Variants in PACRG observed in about 807,000 individuals in gnomAD.
PACRG encodes parkin coregulated.
In PACRG, 29 loss-of-function variants were observed where a neutral mutation model predicts 29.7. The observed-to-expected ratio is 0.98, with a 90% CI of 0.73 to 1.33. The LOEUF (loss-of-function observed/expected upper bound fraction) is 1.33, where lower values mean the gene tolerates loss of function less well. Ranked by LOEUF, PACRG falls within the 40% of genes most tolerant of loss-of-function variation. The probability of loss-of-function intolerance (pLI) is 0.00; values close to 1 mark genes in which losing one functional copy is unlikely to be tolerated. For missense variants in PACRG, 279 were observed against 316.2 expected, an observed-to-expected ratio of 0.88 and a Z score of 0.89; for synonymous variants, 116 against 118.7, an observed-to-expected ratio of 0.98 and a Z score of 0.15.
chr6:163,023,530 G>A (rs1806839501), intron 2 of PACRG, among the ~76,000 whole-genome samples: 1 of 152,202 alleles, frequency 6.6e-6, no homozygotes, highest in South Asian at 2.1e-4. Flanking sequence ...GTGCAGTGAT[G>A]AGTATGCAAG....
chr6:163,093,792 T>C (rs900486280), intron 4 of PACRG, among the ~76,000 whole-genome samples: 1 of 152,244 alleles, frequency 6.6e-6, no homozygotes, highest in Non-Finnish European at 1.5e-5. Flanking sequence ...TGCTTGGCTT[T>C]ATCTAAGATG....
chr6:162,899,028 T>C (rs1795363298), intron 2 of PACRG, among the ~76,000 whole-genome samples: 1 of 152,192 alleles, frequency 6.6e-6, no homozygotes, highest in South Asian at 2.1e-4. Flanking sequence ...TAAATATAAA[T>C]ACCTGTTTAA....
intron 2 of PACRG, among the ~76,000 whole-genome samples, chr6:163,023,754 TTAA>T (rs1806859072): frequency 6.6e-6 from 1 of 152,220 alleles, no homozygotes; most frequent in South Asian, 2.1e-4. Flanking sequence ...TTTTGACTTT[TTAA>T]TAATTGTCAT....
intron 2 of PACRG, among the ~76,000 whole-genome samples, chr6:162,994,744 C>G (rs1803803260): frequency 6.7e-6 from 1 of 149,678 alleles, no homozygotes; most frequent in Non-Finnish European, 1.5e-5. Flanking sequence ...CTCAGCTCGT[C>G]AAAGTCATTC....
At chr6:163,106,575 G>A (rs1673035663) in intron 4 of PACRG, among the ~76,000 whole-genome samples, 1 of 152,112 alleles carries the variant, frequency 6.6e-6, no homozygotes, top group Admixed American at 6.5e-5. Context: ...TTATAACAGA[G>A]TTTAATAAAT....
chr6:163,220,555 GT>G (rs1781544820), intron 4 of PACRG, among the ~76,000 whole-genome samples: 1 of 152,214 alleles, frequency 6.6e-6, no homozygotes, highest in Non-Finnish European at 1.5e-5. Flanking sequence ...ATGCCATAGA[GT>G]TTCCATAATA....
At chr6:163,040,581 C>T (rs1462614855) in intron 2 of PACRG, among the ~76,000 whole-genome samples, 2 of 152,244 alleles carry the variant, frequency 1.3e-5, no homozygotes, top group African/African-American at 2.4e-5. Context: ...CCTGCAGAGT[C>T]ACAGGGGTGG....
intron 2 of PACRG, among the ~76,000 whole-genome samples, chr6:163,058,848 C>T (rs781766614): frequency 3.9e-5 from 6 of 152,102 alleles, no homozygotes; most frequent in African/African-American, 4.8e-5. Flanking sequence ...TGCAGTGAGC[C>T]GAGCTCGCAC....
intron 2 of PACRG, among the ~76,000 whole-genome samples, chr6:162,886,087 A>G (rs9356074): frequency 0.21 from 31,477 of 151,964 alleles, 4,605 homozygotes; most frequent in African/African-American, 0.4. Context: ...ATCATGCCCA[A>G]CTAATTTTTG....
At chr6:163,017,074 T>G (rs868443776) in intron 2 of PACRG, among the ~76,000 whole-genome samples, 2 of 152,170 alleles carry the variant, frequency 1.3e-5, no homozygotes, top group Admixed American at 6.5e-5. Context: ...GTTCTTTCTT[T>G]GAATGGCTAC....
At chr6:163,131,318 A>C (rs1816731235) in intron 4 of PACRG, among the ~76,000 whole-genome samples, 1 of 21,220 alleles carries the variant, frequency 4.7e-5, no homozygotes, top group African/African-American at 9.9e-5. Flanking sequence ...TCTCAAACAA[A>C]AAAAAAAAAA....
In PACRG at chr6:163,095,389, T is replaced by C. The variant is rs144083879; in HGVS notation, c.613+5981T>C. The C allele has an allele frequency of 5.0e-4, 488 of 985,482 alleles. 1 individual carries two copies. The African/African-American group carries it at 7.8e-3, about 16-fold the overall frequency. The allele number at this position is 985,482 out of a possible 1,614,324, so 61.0% of individuals were successfully genotyped here. ...GGATTATTCTGAGTTGTCTGTAACC[T>C]GGTAGGGCGATGTCTAAAGAAATCA... On this transcript the variant is annotated intron_variant, in intron 4 of 4. Coordinates refer to ENST00000366888, the MANE Select transcript of PACRG (RefSeq NM_001080379.2).
intron 2 of PACRG, among the ~76,000 whole-genome samples, chr6:162,921,549 T>C (rs769020661): frequency 3.9e-5 from 6 of 152,200 alleles, no homozygotes; most frequent in Non-Finnish European, 8.8e-5. Context: ...ATGCTTGGGC[T>C]ACACCGCCAG....
intron 2 of PACRG, chr6:162,997,503 A>C (rs1181630647): frequency 2.3e-6 from 1 of 443,210 alleles, no homozygotes; most frequent in African/African-American, 2.0e-5. Context: ...CTTCCAATGA[A>C]TAGCAGAATA....
At chr6:162,999,095 A>T (rs1274918283) in intron 2 of PACRG, among the ~76,000 whole-genome samples, 2 of 152,348 alleles carry the variant, frequency 1.3e-5, no homozygotes, top group East Asian at 3.9e-4. Context: ...CAGAAAGAAT[A>T]TGAAAAAAAA....
At chr6:162,844,331 G>A (rs550122985) in intron 2 of PACRG, among the ~76,000 whole-genome samples, 4 of 152,276 alleles carry the variant, frequency 2.6e-5, no homozygotes, top group South Asian at 2.1e-4. Flanking sequence ...TCCGAAAAGC[G>A]CAATATTCGG....
intron 1 of PACRG, among the ~76,000 whole-genome samples, chr6:162,738,377 C>T (rs141733543): frequency 8.5e-5 from 13 of 152,274 alleles, no homozygotes; most frequent in Admixed American, 2.6e-4. Context: ...TATCAGTGTA[C>T]GTAAGACGTT....
At chr6:163,025,958 T>C (rs1204501357) in intron 2 of PACRG, among the ~76,000 whole-genome samples, 1 of 152,226 alleles carries the variant, frequency 6.6e-6, no homozygotes, top group Non-Finnish European at 1.5e-5. Context: ...AGCTATTCTA[T>C]AAAATTTAGC....
chr6:163,179,394 TAAAA>T (rs5881511), intron 4 of PACRG: 204 of 216,350 alleles, frequency 9.4e-4, no homozygotes, highest in Middle Eastern at 3.7e-3. Flanking sequence ...TTCTTTAAAT[TAAAA>T]AAAAAAAAAA....
Sources: allele counts gnomAD v4.1 joint callset (sites outside exome capture counted in the v4.1 genomes callset), GRCh38; gene constraint gnomAD v4.1.1; transcripts MANE v1.5; gene names NCBI Gene and HGNC (gene_info 2026-07-23, HGNC 2026-07-21).